DCAF6: variants seen among roughly 807,000 people sequenced by gnomAD.
DCAF6 encodes the protein DDB1- and CUL4-associated factor 6.
In DCAF6, 54 loss-of-function variants were observed where a neutral mutation model predicts 125.1. That is an observed-to-expected ratio of 0.43 (90% confidence interval 0.35 to 0.54). The LOEUF is 0.54. Ranked by LOEUF, DCAF6 falls within the 20% of genes least tolerant of loss-of-function variation. DCAF6 has a pLI of 0.01. For synonymous variants in DCAF6, 371 were observed against 390.4 expected (o/e 0.95, Z 0.58); for missense variants, 934 against 1,161.7 (o/e 0.80, Z 2.85).
In DCAF6 at chr1:167,993,359, A is replaced by G. The variant is rs149756774; in HGVS notation, c.822A>G (p.Ser274=). Reference sequence around the variant, plus strand: ...AAGAGATTCTCGTTAGTTACTCTTCAGATTACATATATCTTTTTGACCCGA... The same window carrying G: ...AAGAGATTCTCGTTAGTTACTCTTCGGATTACATATATCTTTTTGACCCGA... ...DGQEILVSYS[S]DYIYLFDPKD... Residue 274 remains serine (S), a synonymous_variant, in exon 7 of 22, where the codon TCA becomes TCG. Transcript: ENST00000367840. 37 of 1,613,800 alleles carry G rather than the reference A, an allele frequency of 2.3e-5. No individual in the cohort carries two copies. Among genetic ancestry groups the G allele is most frequent in the Middle Eastern group, 1.6e-4 (1 of 6,078 alleles).
At chr1:167,973,596 T>A (rs879190695) in intron 3 of DCAF6, among the ~76,000 whole-genome samples, 1 of 152,236 alleles carries the variant, frequency 6.6e-6, no homozygotes, top group Non-Finnish European at 1.5e-5. Context: ...AACATTTTTT[T>A]AATTCAGTGT....
chr1:167,906,774 G>A, the DCAF6 span, among the ~76,000 whole-genome samples: 16 of 152,124 alleles, frequency 1.1e-4, no homozygotes, highest in Non-Finnish European at 1.8e-4. Context: ...AGGTGACAGA[G>A]TGAGACTCCA....
intron 1 of DCAF6, among the ~76,000 whole-genome samples, chr1:167,948,471 C>T (rs971759434): frequency 7.2e-5 from 11 of 152,152 alleles, no homozygotes; most frequent in Non-Finnish European, 1.6e-4. Context: ...CCTAATCCAA[C>T]ATTTCTTGCC....
intron 2 of DCAF6, among the ~76,000 whole-genome samples, chr1:167,959,680 T>C (rs1377004924): frequency 6.6e-6 from 1 of 152,264 alleles, no homozygotes; most frequent in East Asian, 1.9e-4. Context: ...GTATCTTTGC[T>C]GAGGTGCCTG....
chr1:167,957,616 G>A (rs1443156080), intron 2 of DCAF6, among the ~76,000 whole-genome samples: 1 of 152,062 alleles, frequency 6.6e-6, no homozygotes, highest in African/African-American at 2.4e-5. Flanking sequence ...TTTGTGTGTT[G>A]TAAGTTTTCA....
chr1:168,060,010 A>G (rs1431669777), intron 17 of DCAF6, among the ~76,000 whole-genome samples: 2 of 152,122 alleles, frequency 1.3e-5, no homozygotes, highest in Non-Finnish European at 2.9e-5. Flanking sequence ...TTTTGCATAT[A>G]TTTTTTATAA....
At chr1:167,900,619 G>A in the DCAF6 span, among the ~76,000 whole-genome samples, 5 of 151,824 alleles carry the variant, frequency 3.3e-5, no homozygotes, top group South Asian at 2.1e-4. Context: ...TGCAACCTCC[G>A]CCTCCTGGGT....
chr1:167,991,457 T>A, intron 6 of DCAF6, 118 bp downstream of exon 6: 1 of 933,414 alleles, frequency 1.1e-6, no homozygotes, highest in Non-Finnish European at 1.5e-6. Context: ...AGTATTTGTT[T>A]AATATGGATT....
At chr1:168,065,360 C>A (rs754179762) in intron 18 of DCAF6, among the ~76,000 whole-genome samples, 2 of 151,930 alleles carry the variant, frequency 1.3e-5, no homozygotes, top group Non-Finnish European at 2.9e-5. Context: ...ATTGCCCAGG[C>A]TGGTCTCAAA....
chr1:167,870,764 C>G, the DCAF6 span, among the ~76,000 whole-genome samples: 80,916 of 150,646 alleles, frequency 0.54, 21,866 homozygotes, highest in East Asian at 0.74. Flanking sequence ...AGCCGGGATC[C>G]TGCCATTGCA....
the DCAF6 span, among the ~76,000 whole-genome samples, chr1:167,925,534 G>GT: frequency 4.1e-3 from 315 of 77,512 alleles, 4 homozygotes; most frequent in African/African-American, 0.012. Flanking sequence ...TTTTTTTTTG[G>GT]TTTTTTTTTT....
At chr1:167,881,664 A>C in the DCAF6 span, among the ~76,000 whole-genome samples, 3 of 152,256 alleles carry the variant, frequency 2.0e-5, no homozygotes, top group African/African-American at 7.2e-5. Flanking sequence ...AGTGCCTCAC[A>C]CATATTACAT....
chr1:167,973,010 G>A (rs751083015), intron 3 of DCAF6, among the ~76,000 whole-genome samples: 10 of 152,196 alleles, frequency 6.6e-5, no homozygotes, highest in Non-Finnish European at 1.3e-4. Context: ...TCTGCTGAAT[G>A]TTACTAATGC....
intron 13 of DCAF6, 134 bp from the exon 14 acceptor site, chr1:168,042,891 G>T: frequency 1.7e-6 from 1 of 576,200 alleles, no homozygotes; most frequent in Non-Finnish European, 3.1e-6. Flanking sequence ...GTTTACAAAT[G>T]CTATTAAAAT....
intron 1 of DCAF6, among the ~76,000 whole-genome samples, chr1:167,942,970 G>A (rs925545599): frequency 6.6e-6 from 1 of 152,012 alleles, no homozygotes; most frequent in Non-Finnish European, 1.5e-5. Context: ...GCAGTGGCTC[G>A]ATCTTGGCTC....
the DCAF6 span, among the ~76,000 whole-genome samples, chr1:167,874,546 T>C: frequency 7.9e-6 from 1 of 125,926 alleles, no homozygotes; most frequent in Non-Finnish European, 1.7e-5. Context: ...TATAAATAAA[T>C]ACAACCATTT....
intron 5 of DCAF6, among the ~76,000 whole-genome samples, chr1:167,988,989 A>C (rs993621065): frequency 2.6e-5 from 4 of 152,076 alleles, no homozygotes; most frequent in Non-Finnish European, 5.9e-5. Flanking sequence ...CTGAGGAAGG[A>C]GAATTGCTTG....
At chr1:167,893,765 C>A in the DCAF6 span, 1 of 716,476 alleles carries the variant, frequency 1.4e-6, no homozygotes, top group East Asian at 3.2e-5. Flanking sequence ...TTACTAGTAG[C>A]TGCTGTTTTT....
chr1:168,037,104 C>A (rs380682), intron 12 of DCAF6, among the ~76,000 whole-genome samples: 10 of 130,086 alleles, frequency 7.7e-5, no homozygotes, highest in East Asian at 2.1e-4. Context: ...TCTCCCCCCC[C>A]TTTTTTTTTT....
Sources: gnomAD v4.1 joint callset for allele counts (sites outside exome capture counted in the v4.1 genomes callset) on GRCh38, gnomAD v4.1.1 for gene constraint, MANE v1.5 for transcripts, NCBI Gene and HGNC (gene_info 2026-07-23, HGNC 2026-07-21) for gene names.